ANKRD7: variants seen among roughly 807,000 people sequenced by gnomAD.
ANKRD7 encodes ankyrin repeat domain-containing protein 7.
ANKRD7 carries 30 observed loss-of-function variants against 30.8 expected under a neutral mutation model. The ratio of observed to expected loss-of-function variants is 0.97; its 90% confidence interval spans 0.73 to 1.32. ANKRD7 has a LOEUF of 1.32. Among genes scored for constraint, ANKRD7 ranks in the 40% most tolerant of loss-of-function variants. The pLI is 0.00. For synonymous variants in ANKRD7, 97 were observed against 106.6 expected (o/e 0.91, Z 0.55); for missense variants, 264 against 295.7 (o/e 0.89, Z 0.79).
At chr7:118,242,229 G>T in intron 6 of ANKRD7, 120 bp from the exon 7 acceptor site, 1 of 152,138 alleles carries the variant, frequency 6.6e-6, no homozygotes, top group South Asian at 2.1e-4. Flanking sequence ...ATTACTATTA[G>T]ATATAGAAAT....
chr7:118,228,218 C>T (rs753152554), intron 1 of ANKRD7, among the ~76,000 whole-genome samples: 34 of 152,096 alleles, frequency 2.2e-4, no homozygotes, highest in Non-Finnish European at 2.9e-4. Flanking sequence ...AGGAATTCCA[C>T]CAGAAATGAT....
At chr7:118,231,813 G>GA (rs1809644315) in intron 1 of ANKRD7, among the ~76,000 whole-genome samples, 1 of 152,144 alleles carries the variant, frequency 6.6e-6, no homozygotes, top group East Asian at 1.9e-4. Flanking sequence ...GAGTCTGGGA[G>GA]AAAATAGAAC....
In ANKRD7 at chr7:118,237,877, A is replaced by G. The variant is rs552403599; in HGVS notation, c.712+951A>G. Among the ~76,000 whole-genome samples the G allele has an allele frequency of 2.0e-5, 3 of 152,246 alleles. No individual in the cohort carries two copies. In the East Asian group the frequency reaches 5.8e-4, roughly 29 times the overall value. The stretch of plus-strand genomic sequence containing the variant: ...ACCATATGCATAAAATCTTAATGAA[A>G]TAAACATGTAAATTATTGGTGAATA... On this transcript the variant is annotated intron_variant, in intron 5 of 6. Transcript: ENST00000265224.
At chr7:118,240,417 G>T (rs1809810820) in intron 6 of ANKRD7, among the ~76,000 whole-genome samples, 1 of 151,834 alleles carries the variant, frequency 6.6e-6, no homozygotes, top group South Asian at 2.1e-4. Flanking sequence ...GCGGTGTTTG[G>T]TTTTTTGTTC....
chr7:118,236,608 C>T (rs374214141), intron 4 of ANKRD7, among the ~76,000 whole-genome samples, 182 bp from the exon 5 acceptor site: 1 of 152,250 alleles, frequency 6.6e-6, no homozygotes, highest in East Asian at 1.9e-4. Flanking sequence ...TGTTTAGACT[C>T]CATGATATGA....
chr7:118,225,314 C>T (rs147944559), intron 1 of ANKRD7, among the ~76,000 whole-genome samples: 88 of 152,206 alleles, frequency 5.8e-4, no homozygotes, highest in African/African-American at 2.0e-3. Context: ...TGGCGAAACC[C>T]CGTCTCTAAC....
chr7:118,236,207 C>CGTGTGTGTGTGT lies in ANKRD7; in HGVS notation c.575+62_575+63insGTGTGTGTGTGT, dbSNP rs370465561. The CGTGTGTGTGTGT allele has an allele frequency of 5.5e-3, 3,295 of 595,286 alleles. 67 individuals carry two copies. Among genetic ancestry groups the CGTGTGTGTGTGT allele is most frequent in the South Asian group, 0.011 (549 of 50,500 alleles). 36.9% of individuals were successfully genotyped at this position (595,286 alleles called of 1,614,324 possible). On this transcript the variant is annotated intron_variant, in intron 4 of 6. Coordinates refer to ENST00000265224, the MANE Select transcript of ANKRD7 (RefSeq NM_019644.4). ...GCTACCTGATAGGATTGTGTGTGTG[C>CGTGTGTGTGTGT]GTATGTGTGTGTGTGTGTGTGTGTG...
intron 1 of ANKRD7, among the ~76,000 whole-genome samples, chr7:118,233,863 G>A (rs116277821): frequency 0.032 from 4,897 of 152,096 alleles, 132 homozygotes; most frequent in East Asian, 0.077. Flanking sequence ...TCTGGTTTCC[G>A]GTAGGCTACC....
intron 6 of ANKRD7, among the ~76,000 whole-genome samples, chr7:118,240,313 T>TC (rs907419035): frequency 6.6e-6 from 1 of 151,306 alleles, no homozygotes; most frequent in African/African-American, 2.4e-5. Flanking sequence ...CCTTCCCCCC[T>TC]CCCCCCACCT....
intron 5 of ANKRD7, among the ~76,000 whole-genome samples, chr7:118,237,327 T>C (rs1005222461): frequency 6.6e-6 from 1 of 152,194 alleles, no homozygotes; most frequent in Non-Finnish European, 1.5e-5. Context: ...TAGCTAACCT[T>C]AGTTTGGTAA....
chr7:118,234,807 G>A lies in ANKRD7; in HGVS notation c.401G>A (p.Cys134Tyr). Residue 134 changes from cysteine to tyrosine, a missense_variant, in exon 3 of 7, where the codon TGT becomes TAT. Cys to Tyr is a radical substitution (Grantham distance 194). Transcript: ENST00000265224. ...AATACTGTTCTTCACTATGCTGTTT[G>A]TGGTCAAAGTTTGTCATTAGTTGAA... ...RYNTVLHYAVCGQSLSLVEKL... is the reference protein window; with the variant it reads ...RYNTVLHYAVYGQSLSLVEKL... The A allele has an allele frequency of 6.2e-7, 1 of 1,612,500 alleles. No individual in the cohort carries two copies. The highest frequency in any genetic ancestry group is 8.5e-7 in the Non-Finnish European group (1 of 1,179,588).
chr7:118,236,207 C>CGTAT, intron 4 of ANKRD7, 60 bp downstream of exon 4: 3 of 595,864 alleles, frequency 5.0e-6, no homozygotes, highest in Admixed American at 2.8e-5. Flanking sequence ...TGTGTGTGTG[C>CGTAT]GTATGTGTGT....
chr7:118,238,549 A>G (rs892267894), intron 5 of ANKRD7, among the ~76,000 whole-genome samples: 2 of 152,210 alleles, frequency 1.3e-5, no homozygotes, highest in African/African-American at 4.8e-5. Context: ...GCTGCTTCAT[A>G]ACATCATTTG....
chr7:118,227,889 T>C, intron 1 of ANKRD7: 2 of 1,339,562 alleles, frequency 1.5e-6, no homozygotes, highest in Non-Finnish European at 2.0e-6. Flanking sequence ...GTATTTAGCT[T>C]ATTGATAGTA....
intron 6 of ANKRD7, among the ~76,000 whole-genome samples, chr7:118,241,951 G>A (rs1486089568): frequency 6.6e-6 from 1 of 151,934 alleles, no homozygotes; most frequent in Admixed American, 6.6e-5. Context: ...TTTACACTTC[G>A]TTTCTTAAGG....
chr7:118,239,720 C>T, intron 5 of ANKRD7, 189 bp from the exon 6 acceptor site: 1 of 351,870 alleles, frequency 2.8e-6, no homozygotes, highest in Non-Finnish European at 5.1e-6. Flanking sequence ...AAAAGAGGTG[C>T]CAGAGAATGG....
intron 1 of ANKRD7, among the ~76,000 whole-genome samples, chr7:118,230,783 C>T (rs2116003381): frequency 6.6e-6 from 1 of 151,858 alleles, no homozygotes; most frequent in Non-Finnish European, 1.5e-5. Context: ...TCATTGGGAA[C>T]TATTTGTTTT....
chr7:118,228,483 A>T (rs1019864577), intron 1 of ANKRD7, among the ~76,000 whole-genome samples: 6 of 152,142 alleles, frequency 3.9e-5, no homozygotes, highest in African/African-American at 1.4e-4. Context: ...TACCAATGGG[A>T]TATCAACTGG....
Position 118,224,816 on chromosome 7 carries a change from G to A in ANKRD7, c.-15G>A. 2 of 1,606,370 alleles carry A rather than the reference G, an allele frequency of 1.2e-6. No individual in the cohort carries two copies. The highest frequency in any genetic ancestry group is 1.7e-6 in the Non-Finnish European group (2 of 1,177,508). The stretch of plus-strand genomic sequence containing the variant: ...AACATCCTGGTCTGAGGGAAAGGCT[G>A]CAGCCTGCACCGCCATGAATAAGCT... On this transcript the variant is annotated 5_prime_UTR_variant, in exon 1 of 7. Coordinates refer to ENST00000265224, the MANE Select transcript of ANKRD7 (RefSeq NM_019644.4).
Sources: allele counts gnomAD v4.1 joint callset (sites outside exome capture counted in the v4.1 genomes callset), GRCh38; gene constraint gnomAD v4.1.1; transcripts MANE v1.5; gene names NCBI Gene and HGNC (gene_info 2026-07-23, HGNC 2026-07-21).